Variants in DCDC2 observed in about 807,000 individuals in gnomAD.
DCDC2 encodes the protein doublecortin domain-containing protein 2.
A neutral mutation model predicts 50.2 loss-of-function variants in DCDC2; 40 were observed. The ratio of observed to expected loss-of-function variants is 0.80; its 90% CI spans 0.62 to 1.04. DCDC2 has a LOEUF of 1.04. DCDC2 is among the 50% of genes least tolerant of loss of function. The pLI, the probability that DCDC2 is intolerant of heterozygous loss-of-function variation, is 0.00. For missense variants in DCDC2, 570 were observed against 581.9 expected (o/e 0.98, Z 0.21); for synonymous variants, 234 against 210.6 (o/e 1.11, Z -0.96).
At chr6:24,175,790 CATTTT>C (rs141128175) in intron 9 of DCDC2, among the ~76,000 whole-genome samples, 165 of 152,280 alleles carry the variant, frequency 1.1e-3, no homozygotes, top group African/African-American at 3.9e-3. Context: ...AATTTCTAGT[CATTTT>C]ATTAGTAGAC....
intron 2 of DCDC2, among the ~76,000 whole-genome samples, chr6:24,319,088 C>A (rs1028442104): frequency 6.6e-6 from 1 of 152,038 alleles, no homozygotes; most frequent in Non-Finnish European, 1.5e-5. Context: ...TCCTTGCCAA[C>A]ATTTGTTGTT....
intron 8 of DCDC2, among the ~76,000 whole-genome samples, chr6:24,204,734 A>G (rs985115892): frequency 6.6e-6 from 1 of 152,134 alleles, no homozygotes; most frequent in Non-Finnish European, 1.5e-5. Flanking sequence ...CTCATACCTA[A>G]TCCCATCCCA....
chr6:24,291,297 C>T (rs1308471095), intron 4 of DCDC2, among the ~76,000 whole-genome samples: 2 of 152,112 alleles, frequency 1.3e-5, no homozygotes, highest in East Asian at 3.9e-4. Flanking sequence ...AATGCAGATA[C>T]AATGACTATC....
At position 24,172,013 on chromosome 6, in the gene DCDC2, G is replaced by C. The variant is rs567659287; in HGVS notation, c.*2717C>G. 6.6e-6 allele frequency: 1 copy of C among 152,170 alleles called. No individual in the cohort carries two copies. Among genetic ancestry groups the C allele is most frequent in the African/African-American group, 2.4e-5 (1 of 41,442 alleles). The allele number at this position is 152,170 out of a possible 1,614,324, so 9.4% of individuals were successfully genotyped here. On this transcript the variant is annotated 3_prime_UTR_variant, in exon 10 of 10. Transcript: ENST00000378454. ...GTACATGAAGCCAAACCAAGATCTTGTCTGTCCACTCACATAAAAGGTCCC... is the reference window on the plus strand; with the variant it reads ...GTACATGAAGCCAAACCAAGATCTTCTCTGTCCACTCACATAAAAGGTCCC...
chr6:24,208,049 A>C (rs1404931933), intron 7 of DCDC2, among the ~76,000 whole-genome samples: 1 of 152,158 alleles, frequency 6.6e-6, no homozygotes, highest in Non-Finnish European at 1.5e-5. Context: ...CTGACTCTTC[A>C]ACTCCATTGA....
chr6:24,341,394 A>T (rs1384930988), intron 2 of DCDC2, among the ~76,000 whole-genome samples: 3 of 152,192 alleles, frequency 2.0e-5, no homozygotes, highest in Non-Finnish European at 4.4e-5. Flanking sequence ...CTGGCTGCTT[A>T]TAAAGGAGGC....
intron 2 of DCDC2, among the ~76,000 whole-genome samples, chr6:24,345,391 A>G (rs1760236105): frequency 6.6e-6 from 1 of 152,220 alleles, no homozygotes; most frequent in Admixed American, 6.5e-5. Flanking sequence ...CATTCACCTG[A>G]GTAACTGACC....
At chr6:24,279,343 G>A (rs945979883) in intron 6 of DCDC2, among the ~76,000 whole-genome samples, 3 of 152,110 alleles carry the variant, frequency 2.0e-5, no homozygotes, top group Non-Finnish European at 4.4e-5. Context: ...AGGGGGCAAA[G>A]GTGGGAGGAT....
At chr6:24,308,637 A>T (rs1244564904) in intron 2 of DCDC2, among the ~76,000 whole-genome samples, 1 of 152,244 alleles carries the variant, frequency 6.6e-6, no homozygotes. Flanking sequence ...AAATTAGCAA[A>T]TAAGGATTTT....
At chr6:24,300,811 G>A (rs1474398015) in intron 4 of DCDC2, among the ~76,000 whole-genome samples, 1 of 152,006 alleles carries the variant, frequency 6.6e-6, no homozygotes, top group Non-Finnish European at 1.5e-5. Context: ...CCATCTGACG[G>A]AAAATAAATG....
At chr6:24,371,331 C>T in the DCDC2 span, among the ~76,000 whole-genome samples, 1 of 148,252 alleles carries the variant, frequency 6.7e-6, no homozygotes, top group African/African-American at 2.5e-5. Context: ...AGGCTGGATG[C>T]CGTGGCTCAC....
rs575653801 is a variant in DCDC2 at position 24,200,352 on chromosome 6, T to C, written c.1023+4650A>G. ...CAAGCCAGAAGAGTGGGGGCCAATA[T>C]TCAACATTCTTAAAGAAAAGAATTT... On this transcript the variant is annotated intron_variant, in intron 8 of 9. Transcript: ENST00000378454. Among the ~76,000 whole-genome samples the C allele has an allele frequency of 3.8e-4, 58 of 152,292 alleles. 1 individual carries two copies. The highest frequency in any genetic ancestry group is 3.4e-3 in the Middle Eastern group (1 of 292).
At chr6:24,212,543 T>C (rs1761894810) in intron 7 of DCDC2, among the ~76,000 whole-genome samples, 1 of 152,182 alleles carries the variant, frequency 6.6e-6, no homozygotes, top group Non-Finnish European at 1.5e-5. Flanking sequence ...TTTTTAAGTC[T>C]TACCCTGCCC....
chr6:24,340,078 T>C (rs1183466568), intron 2 of DCDC2, among the ~76,000 whole-genome samples: 1 of 152,214 alleles, frequency 6.6e-6, no homozygotes, highest in African/African-American at 2.4e-5. Flanking sequence ...GATTGCATTA[T>C]ATACATGTTC....
At chr6:24,178,716 T>A in intron 8 of DCDC2, 84 bp from the exon 9 acceptor site, 1 of 1,314,506 alleles carries the variant, frequency 7.6e-7, no homozygotes, top group Non-Finnish European at 1.0e-6. Context: ...GTAATACTTA[T>A]ATTACAGTCA....
At chr6:24,200,772 C>T (rs1463925996) in intron 8 of DCDC2, among the ~76,000 whole-genome samples, 1 of 149,798 alleles carries the variant, frequency 6.7e-6, no homozygotes, top group East Asian at 2.0e-4. Flanking sequence ...TGCAAAGACA[C>T]ACATAGGCTC....
In DCDC2 at chr6:24,197,014, C is replaced by T. The variant is rs566412432; in HGVS notation, c.1023+7988G>A. Among the ~76,000 whole-genome samples, 4 of 152,276 alleles carry T rather than the reference C, an allele frequency of 2.6e-5. No homozygotes were observed. The South Asian group carries it at 6.2e-4, about 24-fold the overall frequency. ...ACCTGACTTCATAAGCACCTCGTAT[C>T]GAACAAATAAACTAGGCAATCCCAA... On this transcript the variant is annotated intron_variant, in intron 8 of 9. Coordinates refer to ENST00000378454, the MANE Select transcript of DCDC2 (RefSeq NM_016356.5).
intron 8 of DCDC2, among the ~76,000 whole-genome samples, chr6:24,181,366 A>AC (rs1482351725): frequency 6.6e-6 from 1 of 152,184 alleles, no homozygotes; most frequent in Non-Finnish European, 1.5e-5. Flanking sequence ...GCCCCACCAG[A>AC]CCCATCTCAC....
rs554204120 is a variant in DCDC2, at chr6:24,325,437, G to A, written c.349-23393C>T. ...GATCTTGGCTCCCACTGGCAAAGAT[G>A]AGTGGGGGTTATTGTCTTCTCTAAG... On this transcript the variant is annotated intron_variant, in intron 2 of 9. Coordinates refer to ENST00000378454, the MANE Select transcript of DCDC2 (RefSeq NM_016356.5). Among the ~76,000 whole-genome samples, 242 of 149,704 alleles carry A rather than the reference G, an allele frequency of 1.6e-3. 25 individuals are homozygous for A. Among genetic ancestry groups the A allele is most frequent in the Non-Finnish European group, 8.0e-4 (54 of 67,240 alleles).
Sources: gnomAD v4.1 joint callset for allele counts (sites outside exome capture counted in the v4.1 genomes callset) on GRCh38, gnomAD v4.1.1 for gene constraint, MANE v1.5 for transcripts, NCBI Gene and HGNC (gene_info 2026-07-23, HGNC 2026-07-21) for gene names.